The following SNRPG variants were observed in gnomAD, a reference collection of about 807,000 sequenced individuals.
SNRPG encodes small nuclear ribonucleoprotein G.
Under a neutral mutation model 13.9 loss-of-function variants are expected in SNRPG, and 3 were observed. The observed-to-expected ratio is 0.22, with a 90% CI of 0.10 to 0.56. The LOEUF is 0.56. Ranked by LOEUF, SNRPG falls within the 20% of genes least tolerant of loss-of-function variation. The pLI is 0.93. For synonymous variants in SNRPG, 29 were observed against 29.3 expected (o/e 0.99, Z 0.03); for missense variants, 34 against 96.1 (o/e 0.35, Z 2.70).
chr2:70,290,600 T>C (rs899337757), intron 1 of SNRPG, among the ~76,000 whole-genome samples: 4 of 151,912 alleles, frequency 2.6e-5, no homozygotes, highest in Non-Finnish European at 4.4e-5. Context: ...GGGGCACTTA[T>C]TCAATTTTAA....
Position 70,283,942 on chromosome 2 carries a change from C to G in SNRPG, c.181-2258G>C, listed in dbSNP as rs560677181. Among the ~76,000 whole-genome samples, 266 of 152,136 alleles carry G rather than the reference C, an allele frequency of 1.7e-3. 1 individual carries two copies. The highest frequency in any genetic ancestry group is 3.4e-3 in the Non-Finnish European group (230 of 68,026). On this transcript the variant is annotated intron_variant, in intron 3 of 3. Coordinates refer to ENST00000272348, the MANE Select transcript of SNRPG (RefSeq NM_003096.4). Reference sequence around the variant, plus strand: ...GGGTGGTGGTGCACACCTGTGGTTCCAGCTACTCGGGAGGCTGAGGTGGAA... The same window carrying G: ...GGGTGGTGGTGCACACCTGTGGTTCGAGCTACTCGGGAGGCTGAGGTGGAA...
At chr2:70,286,387 T>C (rs1305960205) in intron 3 of SNRPG, among the ~76,000 whole-genome samples, 1 of 151,404 alleles carries the variant, frequency 6.6e-6, no homozygotes, top group African/African-American at 2.5e-5. Context: ...CTTCCAACTT[T>C]AGAAAAGTCA....
At chr2:70,285,130 T>C (rs964369148) in intron 3 of SNRPG, among the ~76,000 whole-genome samples, 3 of 152,222 alleles carry the variant, frequency 2.0e-5, no homozygotes, top group East Asian at 1.9e-4. Flanking sequence ...GCTGGCAATA[T>C]GGATATGCCA....
Position 70,293,607 on chromosome 2 carries a change from C to A in SNRPG, c.32+11G>T. The A allele has an allele frequency of 6.2e-7, 1 of 1,613,290 alleles. No homozygotes were observed. Among genetic ancestry groups the A allele is most frequent in the Non-Finnish European group, 8.5e-7 (1 of 1,179,198 alleles). On this transcript the variant is annotated intron_variant, in intron 1 of 3. Coordinates refer to ENST00000272348, the MANE Select transcript of SNRPG (RefSeq NM_003096.4). ...ACTGACCACTTCGGTTTGGCTCTCA[C>A]ACATACTTACTTTTTCAACTCGGGA...
At chr2:70,293,401 A>C in intron 1 of SNRPG, 1 of 634,660 alleles carries the variant, frequency 1.6e-6, no homozygotes, top group South Asian at 1.8e-5. Flanking sequence ...GGCCGGAAGG[A>C]GGTGCCGTGG....
chr2:70,292,990 GC>G (rs1697140756), intron 1 of SNRPG: 1 of 596,998 alleles, frequency 1.7e-6, no homozygotes. Context: ...CAAAAAATTA[GC>G]CTTCTCTGAC....
intron 3 of SNRPG, among the ~76,000 whole-genome samples, chr2:70,283,901 T>A (rs1696876367): frequency 6.6e-6 from 1 of 152,064 alleles, no homozygotes. Flanking sequence ...TCTACAAAAA[T>A]ACAAAAATTA....
chr2:70,289,245 G>T (rs1425182389), intron 2 of SNRPG, 105 bp downstream of exon 2: 5 of 674,604 alleles, frequency 7.4e-6, no homozygotes, highest in Non-Finnish European at 1.3e-5. Context: ...GAGCCATCGC[G>T]CCTGGCTGCT....
rs577423406 is a variant in SNRPG, at chr2:70,283,525, A to T, written c.181-1841T>A. 4.6e-5 allele frequency among the ~76,000 whole-genome samples: 7 copies of T among 152,300 alleles called. No homozygotes were observed. The South Asian group carries it at 1.2e-3, about 27-fold the overall frequency. ...TTTATTTACACATACGCTATGATTTATTGTGTTCTCCATACAAATGTAAAT... is the reference window on the plus strand; with the variant it reads ...TTTATTTACACATACGCTATGATTTTTTGTGTTCTCCATACAAATGTAAAT... On this transcript the variant is annotated intron_variant, in intron 3 of 3. Coordinates refer to ENST00000272348, the MANE Select transcript of SNRPG (RefSeq NM_003096.4).
intron 3 of SNRPG, among the ~76,000 whole-genome samples, chr2:70,283,114 A>AAAAAC (rs1553474933): frequency 6.8e-6 from 1 of 147,888 alleles, no homozygotes; most frequent in Non-Finnish European, 1.5e-5. Flanking sequence ...AAAAAAAAAA[A>AAAAAC]AAAAAAAAAA....
intron 1 of SNRPG, 94 bp from the exon 2 acceptor site, chr2:70,289,466 T>G (rs1697025321): frequency 6.1e-6 from 4 of 655,574 alleles, no homozygotes; most frequent in Non-Finnish European, 8.1e-6. Flanking sequence ...TTGCTAAAAT[T>G]TATACAATGG....
chr2:70,293,622 T>C lies in SNRPG; in HGVS notation c.28A>G (p.Lys10Glu). 1 of 1,614,090 alleles carries C rather than the reference T, an allele frequency of 6.2e-7. No homozygotes were observed. The highest frequency in any genetic ancestry group is 8.5e-7 in the Non-Finnish European group (1 of 1,179,896). The change falls in exon 1 of 4, where the codon AAA becomes GAA. Residue 10 changes from lysine (K) to glutamate (E), a missense_variant. By Grantham distance (56) the Lys-to-Glu change is moderately conservative. Transcript: ENST00000272348. The part of the protein sequence containing the change: MSKAHPPEL[K>E]KFMDKKLSLK... ...TTGGCTCTCACACATACTTACTTTT[T>C]CAACTCGGGAGGGTGAGCTTTGCTC... is the stretch of plus-strand genomic sequence containing the variant.
intron 2 of SNRPG, among the ~76,000 whole-genome samples, 173 bp from the exon 3 acceptor site, chr2:70,288,365 A>C (rs554084889): frequency 9.2e-5 from 14 of 151,974 alleles, no homozygotes; most frequent in Admixed American, 9.2e-4. Flanking sequence ...ATTTTAATTT[A>C]TAAGAATCCT....
Position 70,281,439 on chromosome 2 carries a change from A to AAAT in SNRPG, c.*192_*194dup. 1 of 411,732 alleles carries AAAT rather than the reference A, an allele frequency of 2.4e-6. No homozygotes were observed. The highest frequency in any genetic ancestry group is 4.5e-6 in the Non-Finnish European group (1 of 224,056). 25.5% of individuals were successfully genotyped at this position (411,732 alleles called of 1,614,324 possible). A position where few individuals can be genotyped will look rare whatever the true frequency, so the allele number is the denominator to read the frequency against. On this transcript the variant is annotated 3_prime_UTR_variant, in exon 4 of 4. Coordinates refer to ENST00000272348, the MANE Select transcript of SNRPG (RefSeq NM_003096.4). ...CCTTTGAAATCAATGTCAACCAGGAAAATTCATGTTAGAAAAAACTGGAAT... is the reference window on the plus strand; with the variant it reads ...CCTTTGAAATCAATGTCAACCAGGAAAATAATTCATGTTAGAAAAAACTGGAAT...
chr2:70,293,083 C>T, intron 1 of SNRPG: 1 of 702,026 alleles, frequency 1.4e-6, no homozygotes, highest in Non-Finnish European at 2.6e-6. Flanking sequence ...TAACACATGA[C>T]ATTCAAGCTT....
chr2:70,290,984 C>T (rs1362502259), intron 1 of SNRPG, among the ~76,000 whole-genome samples: 1 of 147,160 alleles, frequency 6.8e-6, no homozygotes, highest in Non-Finnish European at 1.5e-5. Context: ...GCACTCCAGC[C>T]TGGGCAATAA....
At chr2:70,289,460 TA>T in intron 1 of SNRPG, 88 bp from the exon 2 acceptor site, 1 of 672,702 alleles carries the variant, frequency 1.5e-6, no homozygotes, top group Non-Finnish European at 2.6e-6. Context: ...GATAATTTGC[TA>T]AAATTTATAC....
chr2:70,288,634 C>G (rs946684771), intron 2 of SNRPG, among the ~76,000 whole-genome samples: 2 of 152,174 alleles, frequency 1.3e-5, no homozygotes, highest in African/African-American at 4.8e-5. Context: ...GGCTGCTTAC[C>G]TCTAACGCTC....
rs889248579 is a variant in SNRPG at position 70,282,661 on chromosome 2, A to C, written c.181-977T>G. Among the ~76,000 whole-genome samples the C allele has an allele frequency of 2.0e-5, 3 of 152,366 alleles. 1 individual carries two copies. Among genetic ancestry groups the C allele is most frequent in the South Asian group, 4.1e-4 (2 of 4,832 alleles). ...AGTTTCACTTGGGGGAATGACAACC[A>C]TAAGTGTCCCTGCAACAAGATATTA... On this transcript the variant is annotated intron_variant, in intron 3 of 3. Coordinates refer to ENST00000272348, the MANE Select transcript of SNRPG (RefSeq NM_003096.4).
Sources: gnomAD v4.1 joint callset for allele counts (sites outside exome capture counted in the v4.1 genomes callset) on GRCh38, gnomAD v4.1.1 for gene constraint, MANE v1.5 for transcripts, NCBI Gene and HGNC (gene_info 2026-07-23, HGNC 2026-07-21) for gene names.